Variants in MYO16 observed in about 807,000 individuals in gnomAD.
MYO16 encodes myosin XVI, also known as unconventional myosin-XVI.
In MYO16, 94 loss-of-function variants were observed where a neutral mutation model predicts 205.3. The observed-to-expected ratio is 0.46, with a 90% CI of 0.39 to 0.54. The LOEUF is 0.54. Among genes scored for constraint, MYO16 ranks in the 20% least tolerant of loss-of-function variants. The pLI, the probability that MYO16 is intolerant of heterozygous loss-of-function variation, is 0.00. For synonymous variants in MYO16, 988 were observed against 954.0 expected (o/e 1.04, Z -0.66); for missense variants, 2,315 against 2,387.5 (o/e 0.97, Z 0.63).
intron 34 of MYO16, among the ~76,000 whole-genome samples, chr13:109,192,139 A>G (rs1566557162): frequency 6.6e-6 from 1 of 152,130 alleles, no homozygotes; most frequent in Non-Finnish European, 1.5e-5. Flanking sequence ...TTATGATTGC[A>G]TTATTATTTG....
chr13:108,708,144 A>G (rs949659508), intron 2 of MYO16, among the ~76,000 whole-genome samples: 1 of 152,230 alleles, frequency 6.6e-6, no homozygotes, highest in Non-Finnish European at 1.5e-5. Context: ...ATTCTTATAC[A>G]TCCTAAAGTT....
rs149581024 is a variant in MYO16 at position 108,883,165 on chromosome 13, G to T, written c.1532G>T (p.Arg511Leu). ...TTTCACCAGCTCTTCCGGGAACAGCGGCCTCAGTGTTTCATCCTCAGGTGA... is the reference window on the plus strand; with the variant it reads ...TTTCACCAGCTCTTCCGGGAACAGCTGCCTCAGTGTTTCATCCTCAGGTGA... ...RAFHQLFREQ[R>L]PQCFILSGER... The change falls in exon 13 of 35, where the codon CGG becomes CTG. Residue 511 changes from arginine to leucine, a missense_variant. Around this residue, in one of 3 missense-constraint regions of MYO16, gnomAD observed 1,213 missense variants for 1,274.4 expected, o/e 0.95. Coordinates refer to ENST00000457511, the MANE Select transcript of MYO16 (RefSeq NM_001198950.3). The T allele has an allele frequency of 7.1e-5, 114 of 1,613,702 alleles. No individual in the cohort carries two copies. Among genetic ancestry groups the T allele is most frequent in the Non-Finnish European group, 9.1e-5 (107 of 1,179,830 alleles).
At position 108,915,485 on chromosome 13, in the gene MYO16, CT is replaced by C. The variant is rs556757775; in HGVS notation, c.1925+5336del. On this transcript the variant is annotated intron_variant, in intron 16 of 34. Coordinates refer to ENST00000457511, the MANE Select transcript of MYO16 (RefSeq NM_001198950.3). ...TTCTTCCTATATTGACTGCTTCCCC[CT>C]AACCCCCTCACCAGCAGCTGTTTGT... Among the ~76,000 whole-genome samples the C allele has an allele frequency of 2.6e-4, 39 of 152,336 alleles. 2 individuals carry two copies. The East Asian group carries it at 4.0e-3, about 16-fold the overall frequency.
At chr13:109,151,174 C>G (rs562348409) in intron 32 of MYO16, among the ~76,000 whole-genome samples, 1 of 152,284 alleles carries the variant, frequency 6.6e-6, no homozygotes, top group South Asian at 2.1e-4. Context: ...CAAAATTTCA[C>G]GCCATCGAGA....
chr13:109,008,936 A>G lies in MYO16; in HGVS notation c.2482A>G (p.Ile828Val). The G allele has an allele frequency of 6.2e-7, 1 of 1,613,336 alleles. No homozygotes were observed. Among genetic ancestry groups the G allele is most frequent in the Non-Finnish European group, 8.5e-7 (1 of 1,179,624 alleles). Residue 828 changes from isoleucine to valine, a missense_variant, in exon 22 of 35, where the codon ATC (isoleucine) becomes GTC (valine). Coordinates refer to ENST00000457511, the MANE Select transcript of MYO16 (RefSeq NM_001198950.3). ...GACCAATGAGAAGATGCACCACTAT[A>G]TCAATGAAGTGCTTTTTCTCCACGA... ...NMTNEKMHHYINEVLFLHEQV... is the reference protein window; with the variant it reads ...NMTNEKMHHYVNEVLFLHEQV...
At chr13:108,946,729 A>G (rs146358852) in intron 16 of MYO16, among the ~76,000 whole-genome samples, 1 of 152,238 alleles carries the variant, frequency 6.6e-6, no homozygotes, top group Non-Finnish European at 1.5e-5. Context: ...ATGGATCTAT[A>G]CAGAGATAGA....
chr13:108,755,580 T>A (rs1885396705), intron 4 of MYO16, among the ~76,000 whole-genome samples: 1 of 151,636 alleles, frequency 6.6e-6, no homozygotes, highest in Non-Finnish European at 1.5e-5. Flanking sequence ...AAGGCATAGA[T>A]CCTAAAAAAT....
intron 20 of MYO16, among the ~76,000 whole-genome samples, chr13:108,978,459 G>T (rs1464664383): frequency 1.3e-5 from 2 of 151,792 alleles, no homozygotes; most frequent in Non-Finnish European, 2.9e-5. Flanking sequence ...TTTTCTAATG[G>T]TTTTCTTTCT....
Position 109,109,081 on chromosome 13 carries a change from A to G in MYO16, c.3438+8194A>G, listed in dbSNP as rs563536035. On this transcript the variant is annotated intron_variant, in intron 28 of 34. Transcript: ENST00000457511. ...TATTACAACAGTTTCTGACCTTCAA[A>G]GCTCAGTCCTGCTGGATAATATGAG... Among the ~76,000 whole-genome samples the G allele has an allele frequency of 3.9e-5, 6 of 152,322 alleles. No individual in the cohort carries two copies. In the South Asian group the frequency reaches 1.2e-3, roughly 32 times the overall value.
intron 2 of MYO16, among the ~76,000 whole-genome samples, chr13:108,673,884 G>GT (rs36091003): frequency 0.32 from 49,068 of 151,836 alleles, 8,243 homozygotes; most frequent in African/African-American, 0.41. Flanking sequence ...CTCCATTGAT[G>GT]TGCCATCACT....
At chr13:109,178,142 C>T (rs9515000) in intron 33 of MYO16, among the ~76,000 whole-genome samples, 4,410 of 152,236 alleles carry the variant, frequency 0.029, 279 homozygotes, top group East Asian at 0.2. Context: ...TCCCTTCCGC[C>T]TGTGTGAATT....
chr13:108,993,311 G>A (rs2139441505), intron 21 of MYO16, among the ~76,000 whole-genome samples: 1 of 152,138 alleles, frequency 6.6e-6, no homozygotes, highest in East Asian at 1.9e-4. Flanking sequence ...AGTGAACTTT[G>A]GTTTTCTTGT....
Position 108,829,644 on chromosome 13 carries a change from G to A in MYO16, c.1097+6366G>A, listed in dbSNP as rs915012812. Among the ~76,000 whole-genome samples the A allele has an allele frequency of 9.2e-5, 14 of 152,266 alleles. No homozygotes were observed. The East Asian group carries it at 2.1e-3, about 23-fold the overall frequency. On this transcript the variant is annotated intron_variant, in intron 9 of 34. Coordinates refer to ENST00000457511, the MANE Select transcript of MYO16 (RefSeq NM_001198950.3). Reference sequence around the variant, plus strand: ...TCCTAGGGATGAGAAAAGACTATGAGGAGGGGACCTAAGCAGGGCTGAGGG... The same window carrying A: ...TCCTAGGGATGAGAAAAGACTATGAAGAGGGGACCTAAGCAGGGCTGAGGG...
chr13:108,697,621 T>C (rs1883139705), intron 2 of MYO16, among the ~76,000 whole-genome samples: 1 of 152,268 alleles, frequency 6.6e-6, no homozygotes, highest in South Asian at 2.1e-4. Context: ...AAGAGTATTT[T>C]TAAGTATCAA....
intron 2 of MYO16, among the ~76,000 whole-genome samples, chr13:108,711,673 T>C (rs1195318959): frequency 1.3e-5 from 2 of 152,170 alleles, no homozygotes; most frequent in Non-Finnish European, 2.9e-5. Context: ...AGACTAGACA[T>C]TGGAACACAT....
At chr13:108,984,452 G>T (rs1199769449) in intron 20 of MYO16, among the ~76,000 whole-genome samples, 1 of 152,160 alleles carries the variant, frequency 6.6e-6, no homozygotes, top group African/African-American at 2.4e-5. Flanking sequence ...AGGGTAGCAT[G>T]TGCCTGCTAG....
At chr13:108,821,396 A>G (rs1267249654) in intron 8 of MYO16, among the ~76,000 whole-genome samples, 2 of 152,208 alleles carry the variant, frequency 1.3e-5, no homozygotes, top group Non-Finnish European at 1.5e-5. Context: ...CTTAATAGTC[A>G]CAAACTTGAG....
chr13:108,572,165 G>A, the MYO16 span, among the ~76,000 whole-genome samples: 1 of 152,024 alleles, frequency 6.6e-6, no homozygotes, highest in Non-Finnish European at 1.5e-5. Context: ...GCCCTCAAGT[G>A]ACTCTCCTGC....
chr13:108,785,418 A>G (rs1054625255), intron 4 of MYO16, among the ~76,000 whole-genome samples: 1 of 152,192 alleles, frequency 6.6e-6, no homozygotes, highest in African/African-American at 2.4e-5. Flanking sequence ...AAGTTTTGCA[A>G]GAGTCAGTGG....
Sources: gnomAD v4.1 joint callset for allele counts (sites outside exome capture counted in the v4.1 genomes callset) on GRCh38, gnomAD v4.1.1 for gene constraint, gnomAD v4.1.1 regional missense constraint, MANE v1.5 for transcripts, NCBI Gene and HGNC (gene_info 2026-07-23, HGNC 2026-07-21) for gene names.